Variants in CNTN6 observed in about 807,000 individuals in gnomAD.
CNTN6 encodes the protein contactin 6.
CNTN6 carries 137 observed loss-of-function variants against 122.8 expected under a neutral mutation model. The ratio of observed to expected loss-of-function variants is 1.12; its 90% CI spans 0.97 to 1.29. CNTN6 has a LOEUF of 1.29. CNTN6 is among the 50% of genes most tolerant of loss of function. CNTN6 has a pLI of 0.00. For missense variants in CNTN6, 1,634 were observed against 1,223.4 expected (o/e 1.34, Z -5.01); for synonymous variants, 570 against 426.0 (o/e 1.34, Z -4.16).
intron 5 of CNTN6, among the ~76,000 whole-genome samples, chr3:1,289,108 A>G (rs576480648): frequency 6.6e-6 from 1 of 152,340 alleles, no homozygotes; most frequent in African/African-American, 2.4e-5. Context: ...TTCAACCTAA[A>G]TGGCTCATGA....
chr3:1,236,870 G>A (rs2094429100), intron 4 of CNTN6, among the ~76,000 whole-genome samples: 1 of 152,062 alleles, frequency 6.6e-6, no homozygotes, highest in Non-Finnish European at 1.5e-5. Context: ...CACAAGGTCA[G>A]GAGATCAAGA....
chr3:1,256,204 T>A (rs773416357), intron 4 of CNTN6, among the ~76,000 whole-genome samples: 1 of 152,196 alleles, frequency 6.6e-6, no homozygotes, highest in Non-Finnish European at 1.5e-5. Flanking sequence ...TTATTTGCTT[T>A]ATCTGTATTA....
chr3:1,381,159 C>G (rs564897221), intron 17 of CNTN6, among the ~76,000 whole-genome samples: 1 of 152,262 alleles, frequency 6.6e-6, no homozygotes, highest in South Asian at 2.1e-4. Context: ...GATGAACTGA[C>G]TAAGCATCGT....
intron 19 of CNTN6, among the ~76,000 whole-genome samples, chr3:1,385,366 G>A (rs960112734): frequency 6.6e-6 from 1 of 152,046 alleles, no homozygotes; most frequent in African/African-American, 2.4e-5. Flanking sequence ...CTTTATTTTG[G>A]TAATCTAAAA....
At chr3:1,350,683 A>G (rs1180667852) in intron 11 of CNTN6, among the ~76,000 whole-genome samples, 1 of 151,678 alleles carries the variant, frequency 6.6e-6, no homozygotes, top group Non-Finnish European at 1.5e-5. Flanking sequence ...AAATATAGAC[A>G]TTGGCATTGA....
chr3:1,202,414 C>G (rs1463202509), intron 2 of CNTN6, among the ~76,000 whole-genome samples: 2 of 152,056 alleles, frequency 1.3e-5, no homozygotes, highest in Non-Finnish European at 2.9e-5. Flanking sequence ...GTGGCGGGCG[C>G]CTGTAGTCCC....
intron 11 of CNTN6, among the ~76,000 whole-genome samples, chr3:1,348,428 C>G (rs554746774): frequency 1.3e-5 from 2 of 152,018 alleles, no homozygotes; most frequent in African/African-American, 2.4e-5. Context: ...GGATATTAAG[C>G]CTGTCTTTAA....
At chr3:1,281,831 G>T (rs960435579) in intron 5 of CNTN6, among the ~76,000 whole-genome samples, 1 of 152,090 alleles carries the variant, frequency 6.6e-6, no homozygotes, top group African/African-American at 2.4e-5. Context: ...CAGGGAGTTC[G>T]GCAGCAAGGG....
intron 2 of CNTN6, among the ~76,000 whole-genome samples, chr3:1,158,221 C>A (rs1438095346): frequency 1.3e-5 from 2 of 152,176 alleles, no homozygotes; most frequent in Non-Finnish European, 2.9e-5. Context: ...GGATATAAGC[C>A]ATTTCAACTG....
chr3:1,227,529 T>C (rs956603264), intron 3 of CNTN6, among the ~76,000 whole-genome samples: 3 of 152,214 alleles, frequency 2.0e-5, no homozygotes, highest in African/African-American at 7.2e-5. Flanking sequence ...GCCAGTATTA[T>C]TGACTGACTG....
At chr3:1,295,562 A>C in intron 5 of CNTN6, 39 bp from the exon 6 acceptor site, 1 of 1,515,892 alleles carries the variant, frequency 6.6e-7, no homozygotes, top group Non-Finnish European at 9.1e-7. Context: ...TAAGGACAGT[A>C]TGGTTTTGTT....
chr3:1,385,626 G>C lies in CNTN6; in HGVS notation c.2533G>C (p.Asp845His). 6.2e-7 allele frequency: 1 copy of C among 1,613,752 alleles called. No individual in the cohort carries two copies. The highest frequency in any genetic ancestry group is 1.6e-4 in the Middle Eastern group (1 of 6,062). The change falls in exon 20 of 23, where the codon GAT (aspartate) becomes CAT (histidine). Residue 845 changes from aspartate to histidine, a missense_variant. Coordinates refer to ENST00000446702, the MANE Select transcript of CNTN6 (RefSeq NM_001289080.2). ...VLGYEVLYWT[D>H]DSKESMIGKI... is the part of the protein sequence containing the mutation. The stretch of plus-strand genomic sequence containing the variant: ...TAATTATCAGGTCTTATACTGGACA[G>C]ATGACTCCAAAGAATCCATGATAGG...
At chr3:1,149,310 A>G (rs2092789064) in intron 2 of CNTN6, among the ~76,000 whole-genome samples, 1 of 152,108 alleles carries the variant, frequency 6.6e-6, no homozygotes, top group South Asian at 2.1e-4. Context: ...CTACCATACC[A>G]TGCTTCTTCC....
intron 2 of CNTN6, among the ~76,000 whole-genome samples, chr3:1,196,925 T>C: frequency 6.6e-6 from 1 of 152,142 alleles, no homozygotes; most frequent in East Asian, 1.9e-4. Context: ...CATATGTCTA[T>C]CAGTGATCAA....
At chr3:1,202,497 C>T (rs954781174) in intron 2 of CNTN6, among the ~76,000 whole-genome samples, 18 of 150,588 alleles carry the variant, frequency 1.2e-4, no homozygotes, top group South Asian at 2.1e-4. Context: ...GCCAAGATGG[C>T]GCCACCGCCC....
At position 1,297,958 on chromosome 3, in the gene CNTN6, C is replaced by A. The variant is rs1425436302; in HGVS notation, c.728C>A (p.Ser243Ter). Residue 243 changes from serine to a stop codon, truncating the protein, a stop_gained, in exon 7 of 23, where the codon TCA (serine) becomes TAA (stop). Coordinates refer to ENST00000446702, the MANE Select transcript of CNTN6 (RefSeq NM_001289080.2). LOFTEE classifies it high-confidence loss of function. Reference protein sequence around the residue: ...FPETIQAAKDSSVKLECFALG... With the variant: ...FPETIQAAKD Reference sequence around the variant, plus strand: ...GAAACTATACAAGCTGCAAAGGATTCATCTGTAAAACTGGAATGTTTTGCC... The same window carrying A: ...GAAACTATACAAGCTGCAAAGGATTAATCTGTAAAACTGGAATGTTTTGCC... The A allele has an allele frequency of 9.3e-6, 15 of 1,612,104 alleles. No individual in the cohort carries two copies. Among genetic ancestry groups the A allele is most frequent in the Non-Finnish European group, 1.1e-5 (13 of 1,179,380 alleles).
At chr3:1,214,411 C>T (rs1319476219) in intron 2 of CNTN6, among the ~76,000 whole-genome samples, 5 of 139,204 alleles carry the variant, frequency 3.6e-5, no homozygotes, top group East Asian at 2.4e-4. Flanking sequence ...TGAGTTCAAG[C>T]GATTCTCCTG....
intron 1 of CNTN6, among the ~76,000 whole-genome samples, chr3:1,118,135 G>A (rs547456574): frequency 2.0e-5 from 3 of 152,218 alleles, no homozygotes; most frequent in South Asian, 2.1e-4. Flanking sequence ...ACTCTGCTGC[G>A]GTGGTTGTTA....
At chr3:1,131,714 T>C (rs2092340920) in intron 1 of CNTN6, among the ~76,000 whole-genome samples, 1 of 152,128 alleles carries the variant, frequency 6.6e-6, no homozygotes, top group Non-Finnish European at 1.5e-5. Flanking sequence ...GTAAATGCTG[T>C]ATCAATGTAG....
Sources: gnomAD v4.1 joint callset for allele counts (sites outside exome capture counted in the v4.1 genomes callset) on GRCh38, gnomAD v4.1.1 for gene constraint, MANE v1.5 for transcripts, NCBI Gene and HGNC (gene_info 2026-07-23, HGNC 2026-07-21) for gene names.